Variants in RDX observed in about 807,000 individuals in gnomAD.
RDX encodes the protein deafness, autosomal recessive 24.
RDX carries 32 observed loss-of-function variants against 83.7 expected under a neutral mutation model. That is an observed-to-expected ratio of 0.38 (90% CI 0.29 to 0.51). The LOEUF is 0.51. Ranked by LOEUF, RDX falls within the 20% of genes least tolerant of loss-of-function variation. The pLI is 0.87. For synonymous variants in RDX, 229 were observed against 222.7 expected (o/e 1.03, Z -0.25); for missense variants, 600 against 689.9 (o/e 0.87, Z 1.46).
At chr11:110,221,054 G>C (rs546398501) in intron 14 of RDX, among the ~76,000 whole-genome samples, 35 of 152,156 alleles carry the variant, frequency 2.3e-4, no homozygotes, top group African/African-American at 8.2e-4. Context: ...AGACCTCAGT[G>C]GCAGCGACTG....
At chr11:110,233,787 T>C (rs1283150516) in intron 12 of RDX, among the ~76,000 whole-genome samples, 1 of 152,196 alleles carries the variant, frequency 6.6e-6, no homozygotes. Context: ...AAAACTGTTG[T>C]GCAAATAGTT....
chr11:110,254,849 C>T (rs1264852940), intron 8 of RDX, among the ~76,000 whole-genome samples: 5 of 152,044 alleles, frequency 3.3e-5, no homozygotes, highest in Non-Finnish European at 7.4e-5. Flanking sequence ...ATTAGAGGAA[C>T]TTTAAAAATC....
chr11:110,247,074 C>T (rs532077385), intron 10 of RDX, among the ~76,000 whole-genome samples: 1 of 151,904 alleles, frequency 6.6e-6, no homozygotes, highest in South Asian at 2.1e-4. Context: ...AGTGGTATAT[C>T]CTAAAGTTAC....
intron 5 of RDX, among the ~76,000 whole-genome samples, chr11:110,260,127 C>T (rs1421799257): frequency 6.6e-6 from 1 of 151,922 alleles, no homozygotes; most frequent in Non-Finnish European, 1.5e-5. Flanking sequence ...GCTAGGATTA[C>T]AGGCATGCAC....
intron 15 of RDX, among the ~76,000 whole-genome samples, chr11:110,193,414 G>A (rs1449755395): frequency 1.3e-5 from 2 of 152,134 alleles, no homozygotes; most frequent in Non-Finnish European, 2.9e-5. Context: ...CACCCATTGG[G>A]TAGTATGCTC....
intron 15 of RDX, chr11:110,179,901 TTC>T (rs1232696757): frequency 1.0e-5 from 4 of 386,158 alleles, no homozygotes; most frequent in Admixed American, 3.2e-5. Context: ...TTTTTCTTTT[TTC>T]TTTTTTTTTT....
At chr11:110,256,387 C>T (rs765939868) in intron 7 of RDX, among the ~76,000 whole-genome samples, 1 of 152,172 alleles carries the variant, frequency 6.6e-6, no homozygotes, top group African/African-American at 2.4e-5. Context: ...ATGCTTAAAA[C>T]GGAGACTGCA....
intron 1 of RDX, among the ~76,000 whole-genome samples, chr11:110,292,398 A>T (rs1861281287): frequency 6.6e-6 from 1 of 152,108 alleles, no homozygotes; most frequent in South Asian, 2.1e-4. Flanking sequence ...TGAGCCCAGG[A>T]GGTCAAGGCT....
At chr11:110,285,669 C>CT (rs1860951847) in intron 1 of RDX, among the ~76,000 whole-genome samples, 1 of 136,644 alleles carries the variant, frequency 7.3e-6, no homozygotes, top group Non-Finnish European at 1.5e-5. Flanking sequence ...GCTGAGATCA[C>CT]ACCACTACAC....
intron 7 of RDX, among the ~76,000 whole-genome samples, chr11:110,256,041 A>G (rs1403337894): frequency 6.6e-6 from 1 of 152,166 alleles, no homozygotes; most frequent in Non-Finnish European, 1.5e-5. Flanking sequence ...ACCACCCTAC[A>G]CACAAAGATA....
chr11:110,251,054 C>G (rs951840333), intron 9 of RDX, among the ~76,000 whole-genome samples: 3 of 152,264 alleles, frequency 2.0e-5, no homozygotes, highest in Admixed American at 6.5e-5. Flanking sequence ...TTGGCTTCTT[C>G]TTCTGAACGT....
intron 15 of RDX, among the ~76,000 whole-genome samples, chr11:110,198,283 C>CA: frequency 9.6e-6 from 1 of 104,584 alleles, no homozygotes; most frequent in South Asian, 3.2e-4. Context: ...ATAGTCTCTG[C>CA]CAAAAAAAAA....
chr11:110,256,246 T>A (rs1217606474), intron 7 of RDX, among the ~76,000 whole-genome samples: 3 of 152,124 alleles, frequency 2.0e-5, no homozygotes, highest in Admixed American at 6.6e-5. Context: ...TTTTTACCTA[T>A]TTATATTCCT....
downstream of RDX, among the ~76,000 whole-genome samples, chr11:110,229,198 A>T (rs938946221): frequency 1.3e-5 from 2 of 152,026 alleles, no homozygotes; most frequent in Non-Finnish European, 2.9e-5. Flanking sequence ...CAATGACTGG[A>T]AACCCTAAAT....
chr11:110,243,405 A>T (rs1591144084), intron 10 of RDX, among the ~76,000 whole-genome samples: 1 of 152,184 alleles, frequency 6.6e-6, no homozygotes, highest in East Asian at 1.9e-4. Flanking sequence ...GTACTTTCAA[A>T]CACTAGTAAC....
chr11:110,278,763 C>G (rs1454814594), intron 2 of RDX, among the ~76,000 whole-genome samples: 3 of 150,244 alleles, frequency 2.0e-5, no homozygotes, highest in African/African-American at 7.3e-5. Context: ...CCTGCTGAGT[C>G]TTTAAGTCAT....
chr11:110,260,144 G>A (rs1018063120), intron 5 of RDX, among the ~76,000 whole-genome samples: 1 of 151,656 alleles, frequency 6.6e-6, no homozygotes, highest in African/African-American at 2.4e-5. Flanking sequence ...GCACCACCAC[G>A]CCCGGCTAAT....
chr11:110,266,749 T>G (rs1365469383), intron 3 of RDX, among the ~76,000 whole-genome samples: 1 of 151,986 alleles, frequency 6.6e-6, no homozygotes, highest in East Asian at 1.9e-4. Flanking sequence ...TTTTTTTGTT[T>G]TGTTTTGTTT....
intron 14 of RDX, among the ~76,000 whole-genome samples, chr11:110,209,875 G>A (rs1363148383): frequency 9.4e-5 from 14 of 148,620 alleles, no homozygotes; most frequent in East Asian, 6.0e-4. Flanking sequence ...AGATAAAACC[G>A]CAAAGATGGG....
Sources: gnomAD v4.1 joint callset for allele counts (sites outside exome capture counted in the v4.1 genomes callset) on GRCh38, gnomAD v4.1.1 for gene constraint, MANE v1.5 for transcripts, NCBI Gene and HGNC (gene_info 2026-07-23, HGNC 2026-07-21) for gene names.